The following LRRC61 variants were observed in gnomAD, a reference collection of about 807,000 sequenced individuals.
LRRC61 encodes leucine-rich repeat-containing protein 61.
Under a neutral mutation model 15.1 loss-of-function variants are expected in LRRC61, and 9 were observed. The observed-to-expected ratio is 0.60, with a 90% confidence interval of 0.36 to 1.04. The LOEUF is 1.04. LRRC61 is among the 50% of genes least tolerant of loss of function. The pLI, the probability that LRRC61 is intolerant of heterozygous loss-of-function variation, is 0.01. For missense variants in LRRC61, 344 were observed against 335.6 expected, an observed-to-expected ratio of 1.03 and a Z score of -0.20; for synonymous variants, 173 against 158.6, an observed-to-expected ratio of 1.09 and a Z score of -0.68.
At chr7:150,314,002 C>G in the LRRC61 span, among the ~76,000 whole-genome samples, 3 of 152,224 alleles carry the variant, frequency 2.0e-5, no homozygotes, top group African/African-American at 7.2e-5. Context: ...CAGGACGGAG[C>G]TCTTCTGGCA....
In LRRC61 at chr7:150,337,609, T is replaced by C. The variant is rs1200000218; in HGVS notation, c.748T>C (p.Ser250Pro). Residue 250 changes from serine to proline, a missense_variant, in exon 3 of 3, where the codon TCT becomes CCT. Transcript: ENST00000359623. ...SLAQAEQVLSSAGPTSSFVF is the reference protein window; with the variant it reads ...SLAQAEQVLSPAGPTSSFVF ...GGCCCAGGCGGAGCAGGTACTCAGC[T>C]CTGCGGGCCCCACCTCTTCCTTCGT... 2 of 1,539,764 alleles carry C rather than the reference T, an allele frequency of 1.3e-6. No individual in the cohort carries two copies. The highest frequency in any genetic ancestry group is 1.7e-6 in the Non-Finnish European group (2 of 1,145,994).
At position 150,335,030 on chromosome 7, in the gene LRRC61, CAAAAAAA is replaced by C. The variant is rs58391879; in HGVS notation, c.-144-1676_-144-1670del. Among the ~76,000 whole-genome samples, 19 of 102,352 alleles carry C rather than the reference CAAAAAAA, an allele frequency of 1.9e-4. No individual in the cohort carries two copies. Among genetic ancestry groups the C allele is most frequent in the East Asian group, 1.4e-3 (5 of 3,610 alleles). The allele number at this position is 102,352 out of a possible 152,430, so 67.1% of individuals were successfully genotyped here. A position where few individuals can be genotyped will look rare whatever the true frequency, so the allele number is the denominator to read the frequency against. ...GGGCAACAAGAGTGAAACTCTGTCTCAAAAAAAAAAAAAAAAAAGAAAAAAAGGAGCC... is the reference window on the plus strand; with the variant it reads ...GGGCAACAAGAGTGAAACTCTGTCTCAAAAAAAAAAAGAAAAAAAGGAGCC... On this transcript the variant is annotated intron_variant, in intron 2 of 2. Coordinates refer to ENST00000359623, the MANE Select transcript of LRRC61 (RefSeq NM_001142928.2). This position sits in a 1 kb window ranked among gnomAD's most constrained non-coding sequence, Gnocchi z 4.3.
At position 150,330,649 on chromosome 7, in the gene LRRC61, A is replaced by T; in HGVS notation, c.-145+4639A>T. 9.8e-7 allele frequency: 1 copy of T among 1,018,434 alleles called. No individual in the cohort carries two copies. The highest frequency in any genetic ancestry group is 1.6e-6 in the Non-Finnish European group (1 of 635,666). The allele number at this position is 1,018,434 out of a possible 1,614,324, so 63.1% of individuals were successfully genotyped here. On this transcript the variant is annotated intron_variant, in intron 2 of 2. Coordinates refer to ENST00000359623, the MANE Select transcript of LRRC61 (RefSeq NM_001142928.2). The surrounding 1 kb of genome is among the most constrained non-coding windows in gnomAD (Gnocchi z 4.6). ...GCCACCTTGCTGGACCCTTGCTTCA[A>T]GGGGAAGATTGAGGCCATCCTGCCA...
Position 150,336,712 on chromosome 7 carries a change from C to A in LRRC61, c.-144-6C>A. 1 of 1,020,468 alleles carries A rather than the reference C, an allele frequency of 9.8e-7. No homozygotes were observed. Among genetic ancestry groups the A allele is most frequent in the Non-Finnish European group, 1.4e-6 (1 of 702,492 alleles). 63.2% of individuals were successfully genotyped at this position (1,020,468 alleles called of 1,614,324 possible). ...TGCTGCCTGCTGACTGACTGTCTCTCCTCAGGGACTGGCTGGCTTCGAGCA... is the reference window on the plus strand; with the variant it reads ...TGCTGCCTGCTGACTGACTGTCTCTACTCAGGGACTGGCTGGCTTCGAGCA... On this transcript the variant is annotated splice_region_variant and splice_polypyrimidine_tract_variant and intron_variant, in intron 2 of 2. Coordinates refer to ENST00000359623, the MANE Select transcript of LRRC61 (RefSeq NM_001142928.2).
At chr7:150,332,815 G>A (rs573033980) in intron 2 of LRRC61, 3 of 161,438 alleles carry the variant, frequency 1.9e-5, no homozygotes, top group Non-Finnish European at 4.4e-5. Flanking sequence ...GTGGGGTGGT[G>A]GGGACACATT....
chr7:150,333,112 C>T lies in LRRC61; in HGVS notation c.-144-3606C>T, dbSNP rs762509500. Among the ~76,000 whole-genome samples, 3 of 152,092 alleles carry T rather than the reference C, an allele frequency of 2.0e-5. No homozygotes were observed. Among genetic ancestry groups the T allele is most frequent in the African/African-American group, 4.8e-5 (2 of 41,380 alleles). ...GCTGTGTGGCATCACCGAGCGGGCT[C>T]ATGTTCTGGGAGAGGACTGGGAGGC... On this transcript the variant is annotated intron_variant, in intron 2 of 2. Transcript: ENST00000359623. The surrounding 1 kb of genome is among the most constrained non-coding windows in gnomAD (Gnocchi z 4.3).
At chr7:150,309,934 C>T in the LRRC61 span, among the ~76,000 whole-genome samples, 1,380 of 152,250 alleles carry the variant, frequency 9.1e-3, 29 homozygotes, top group African/African-American at 0.031. Context: ...GATATGGAGG[C>T]TACCCACTCC....
At chr7:150,321,044 T>C (rs1563217614), upstream of LRRC61, among the ~76,000 whole-genome samples, 1 of 152,180 alleles carries the variant, frequency 6.6e-6, no homozygotes, top group Admixed American at 6.5e-5. Flanking sequence ...GGTCCTTAAC[T>C]CACTTAGTTC....
At chr7:150,316,483 A>ATTTTTTTTT in the LRRC61 span, among the ~76,000 whole-genome samples, 1 of 80,528 alleles carries the variant, frequency 1.2e-5, no homozygotes, top group Non-Finnish European at 2.7e-5. Context: ...GAATCTGGTT[A>ATTTTTTTTT]TTTTTTTTTT....
chr7:150,316,019 G>A, the LRRC61 span, among the ~76,000 whole-genome samples: 3 of 152,144 alleles, frequency 2.0e-5, no homozygotes, highest in African/African-American at 7.2e-5. Context: ...CCAACATGGA[G>A]AAACCCCGTC....
At chr7:150,332,711 T>C (rs536318182) in intron 2 of LRRC61, 1 of 167,242 alleles carries the variant, frequency 6.0e-6, no homozygotes, top group African/African-American at 2.4e-5. Context: ...TAAAGTTTTG[T>C]AAACATTTAA....
At chr7:150,313,629 G>T in the LRRC61 span, among the ~76,000 whole-genome samples, 1 of 152,176 alleles carries the variant, frequency 6.6e-6, no homozygotes, top group African/African-American at 2.4e-5. Flanking sequence ...TTCCCATCAT[G>T]GTCTGAACCA....
the LRRC61 span, among the ~76,000 whole-genome samples, chr7:150,313,209 T>C: frequency 0.021 from 3,193 of 152,270 alleles, 108 homozygotes; most frequent in African/African-American, 0.073. Context: ...CTCAGCCCAC[T>C]TGCACCCAAG....
chr7:150,311,647 C>T, the LRRC61 span, among the ~76,000 whole-genome samples: 2 of 152,124 alleles, frequency 1.3e-5, no homozygotes, highest in African/African-American at 4.8e-5. Flanking sequence ...ATAGCATCTT[C>T]CCCCTTTCCT....
Position 150,330,638 on chromosome 7 carries a change from C to T in LRRC61, c.-145+4628C>T, listed in dbSNP as rs749242548. 9.4e-6 allele frequency: 9 copies of T among 953,192 alleles called. No individual in the cohort carries two copies. Among genetic ancestry groups the T allele is most frequent in the Non-Finnish European group, 1.6e-5 (9 of 576,054 alleles). 59.0% of individuals were successfully genotyped at this position (953,192 alleles called of 1,614,324 possible). On this transcript the variant is annotated intron_variant, in intron 2 of 2. Coordinates refer to ENST00000359623, the MANE Select transcript of LRRC61 (RefSeq NM_001142928.2). The surrounding 1 kb of genome is among the most constrained non-coding windows in gnomAD (Gnocchi z 4.6). ...AGTTTGTGCTGGCCACCTTGCTGGA[C>T]CCTTGCTTCAAGGGGAAGATTGAGG...
chr7:150,316,175 C>T, the LRRC61 span, among the ~76,000 whole-genome samples: 1 of 152,148 alleles, frequency 6.6e-6, no homozygotes, highest in Non-Finnish European at 1.5e-5. Context: ...CCAGCCTGGG[C>T]AACAAGAGTG....
intron 1 of LRRC61, 143 bp from the exon 2 acceptor site, chr7:150,325,698 T>G (rs1585040515): frequency 1.3e-5 from 2 of 152,244 alleles, no homozygotes; most frequent in Non-Finnish European, 2.9e-5. Flanking sequence ...CTCAACCCCC[T>G]GAGTTCAAAG....
chr7:150,325,047 G>A (rs981005912), intron 1 of LRRC61, among the ~76,000 whole-genome samples: 6 of 152,170 alleles, frequency 3.9e-5, no homozygotes, highest in Admixed American at 2.0e-4. Context: ...AGCCCCCTCT[G>A]GTGTTTTCCT....
chr7:150,328,052 G>A (rs911309397), intron 2 of LRRC61, among the ~76,000 whole-genome samples: 5 of 152,172 alleles, frequency 3.3e-5, no homozygotes, highest in African/African-American at 1.2e-4. Context: ...AGAGATGGAG[G>A]GTTCCTGACT....
Sources: gnomAD v4.1 joint callset for allele counts (sites outside exome capture counted in the v4.1 genomes callset) on GRCh38, gnomAD v4.1.1 for gene constraint, Gnocchi (gnomAD v3.1) non-coding constraint, MANE v1.5 for transcripts, NCBI Gene and HGNC (gene_info 2026-07-23, HGNC 2026-07-21) for gene names.